CCDC60: variants seen among roughly 807,000 people sequenced by gnomAD.
CCDC60 encodes the protein coiled-coil domain-containing protein 60.
In CCDC60, 54 loss-of-function variants were observed where a neutral mutation model predicts 63.5. The ratio of observed to expected loss-of-function variants is 0.85; its 90% CI spans 0.68 to 1.07. CCDC60 has a LOEUF of 1.07. Ranked by LOEUF, CCDC60 falls within the 50% of genes least tolerant of loss-of-function variation. CCDC60 has a pLI of 0.00. For missense variants in CCDC60, 651 were observed against 684.3 expected (o/e 0.95, Z 0.54); for synonymous variants, 206 against 238.8 (o/e 0.86, Z 1.27).
intron 2 of CCDC60, among the ~76,000 whole-genome samples, chr12:119,445,458 G>GAAAAAAAAAAAAAA (rs1950526990): frequency 2.0e-5 from 2 of 100,130 alleles, no homozygotes; most frequent in East Asian, 2.6e-4. Flanking sequence ...AAAAAAAAAG[G>GAAAAAAAAAAAAAA]AATGCTCTGA....
intron 1 of CCDC60, 122 bp from the exon 2 acceptor site, chr12:119,428,561 G>A: frequency 1.5e-6 from 1 of 652,036 alleles, no homozygotes; most frequent in South Asian, 1.9e-5. Flanking sequence ...ACTCTGTGCT[G>A]CCCAGGACTC....
At chr12:119,392,611 C>G (rs527378081) in intron 1 of CCDC60, among the ~76,000 whole-genome samples, 2 of 152,280 alleles carry the variant, frequency 1.3e-5, no homozygotes, top group East Asian at 1.9e-4. Context: ...ATCCCCAATA[C>G]CAAACACCAC....
intron 1 of CCDC60, among the ~76,000 whole-genome samples, chr12:119,421,155 T>C (rs12303075): frequency 0.064 from 9,702 of 152,320 alleles, 1,071 homozygotes; most frequent in African/African-American, 0.22. Flanking sequence ...AAGTAGATCA[T>C]GTTTTAAGGA....
At chr12:119,478,603 C>CTT (rs35215523) in intron 3 of CCDC60, among the ~76,000 whole-genome samples, 293 of 87,076 alleles carry the variant, frequency 3.4e-3, no homozygotes, top group Non-Finnish European at 4.6e-3. Flanking sequence ...AAGGCAGGGA[C>CTT]TTTTTTTTTT....
At chr12:119,522,718 T>C (rs548965441) in intron 9 of CCDC60, among the ~76,000 whole-genome samples, 3 of 152,066 alleles carry the variant, frequency 2.0e-5, no homozygotes, top group African/African-American at 7.2e-5. Flanking sequence ...AGGATTTAAA[T>C]AGGTAGAAAA....
At chr12:119,496,489 C>T (rs1014508806) in intron 5 of CCDC60, among the ~76,000 whole-genome samples, 8 of 152,202 alleles carry the variant, frequency 5.3e-5, no homozygotes, top group African/African-American at 1.9e-4. Flanking sequence ...ACATCTCCCC[C>T]AAGGATCTGC....
At chr12:119,515,522 T>C (rs1211038791) in intron 7 of CCDC60, among the ~76,000 whole-genome samples, 1 of 152,074 alleles carries the variant, frequency 6.6e-6, no homozygotes, top group African/African-American at 2.4e-5. Context: ...GAAATGGTGG[T>C]TTCTCCATGT....
intron 2 of CCDC60, among the ~76,000 whole-genome samples, chr12:119,465,531 G>A (rs977073750): frequency 2.6e-5 from 4 of 152,074 alleles, no homozygotes; most frequent in Admixed American, 6.5e-5. Context: ...GCCGAGGCAG[G>A]TGGATCACCT....
chr12:119,341,256 G>A (rs1955529323), intron 1 of CCDC60, among the ~76,000 whole-genome samples: 1 of 151,384 alleles, frequency 6.6e-6, no homozygotes. Flanking sequence ...ATTACCTCCT[G>A]ACACGAGAAG....
At chr12:119,457,959 G>A (rs1950779253) in intron 2 of CCDC60, among the ~76,000 whole-genome samples, 2 of 152,214 alleles carry the variant, frequency 1.3e-5, no homozygotes, top group Admixed American at 1.3e-4. Flanking sequence ...ATATTTGCTT[G>A]GTGCTTTTGA....
In CCDC60 at chr12:119,480,052, T is replaced by C. The variant is rs575125227; in HGVS notation, c.449+851T>C. Among the ~76,000 whole-genome samples the C allele has an allele frequency of 2.4e-3, 333 of 140,840 alleles. 1 individual carries two copies. The highest frequency in any genetic ancestry group is 8.2e-3 in the African/African-American group (313 of 38,272). 92.4% of individuals were successfully genotyped at this position (140,840 alleles called of 152,430 possible). A position where few individuals can be genotyped will look rare whatever the true frequency, so the allele number is the denominator to read the frequency against. On this transcript the variant is annotated intron_variant, in intron 4 of 13. Transcript: ENST00000327554. ...CACACACACACACACACACTCCACA[T>C]TGAGAACCACTGCTTTAGGGCAATG...
At position 119,471,793 on chromosome 12, in the gene CCDC60, C is replaced by CCT. The variant is rs375727887; in HGVS notation, c.171-186_171-185dup. ...AATTTGTGTCTCCCTCTCCTCCCTC[C>CCT]CTCTCTCTCTCTCTCTTTCCTTCCT... On this transcript the variant is annotated intron_variant, in intron 2 of 13. Transcript: ENST00000327554. Among the ~76,000 whole-genome samples the CCT allele has an allele frequency of 6.9e-3, 1,030 of 149,914 alleles. 7 individuals are homozygous for CCT. The highest frequency in any genetic ancestry group is 0.023 in the African/African-American group (941 of 41,020).
chr12:119,398,043 C>CG lies in CCDC60; in HGVS notation c.91-30632dup, dbSNP rs1168299376. Among the ~76,000 whole-genome samples the CG allele has an allele frequency of 9.5e-3, 254 of 26,712 alleles. 8 individuals carry two copies. Among genetic ancestry groups the CG allele is most frequent in the East Asian group, 0.041 (10 of 242 alleles). The allele number at this position is 26,712 out of a possible 152,430, so 17.5% of individuals were successfully genotyped here. A position where few individuals can be genotyped will look rare whatever the true frequency, so the allele number is the denominator to read the frequency against. On this transcript the variant is annotated intron_variant, in intron 1 of 13. Transcript: ENST00000327554. ...GGCGGCGGGAGGGAGGAAGGGGCAG[C>CG]GGGGGGGGAGGAAGGGGGTGGGGGG...
intron 4 of CCDC60, among the ~76,000 whole-genome samples, chr12:119,486,161 G>A (rs988537116): frequency 2.0e-5 from 3 of 152,200 alleles, no homozygotes; most frequent in East Asian, 3.8e-4. Context: ...CTAAATGCTG[G>A]ACATGGCCTA....
At chr12:119,484,829 C>T (rs545569307) in intron 4 of CCDC60, among the ~76,000 whole-genome samples, 2 of 152,352 alleles carry the variant, frequency 1.3e-5, no homozygotes, top group Admixed American at 6.5e-5. Flanking sequence ...TGAGCTGACT[C>T]TGTGCAGAGC....
intron 1 of CCDC60, among the ~76,000 whole-genome samples, chr12:119,362,535 C>G (rs1280296771): frequency 1.3e-5 from 2 of 152,208 alleles, no homozygotes; most frequent in Non-Finnish European, 2.9e-5. Context: ...TCTTTTACCT[C>G]TGGCTTCTTT....
intron 4 of CCDC60, among the ~76,000 whole-genome samples, chr12:119,485,855 G>C (rs1951427622): frequency 6.6e-6 from 1 of 152,178 alleles, no homozygotes; most frequent in African/African-American, 2.4e-5. Context: ...GAGAGGGTCA[G>C]GTTTGCATCC....
At chr12:119,361,742 G>A (rs929219428) in intron 1 of CCDC60, among the ~76,000 whole-genome samples, 23 of 152,272 alleles carry the variant, frequency 1.5e-4, no homozygotes, top group African/African-American at 5.1e-4. Flanking sequence ...TATTCCATCA[G>A]CATTAATCAT....
At chr12:119,360,233 G>A (rs1456382424) in intron 1 of CCDC60, among the ~76,000 whole-genome samples, 1 of 150,852 alleles carries the variant, frequency 6.6e-6, no homozygotes, top group East Asian at 2.0e-4. Flanking sequence ...TTCCCAGTAG[G>A]GGCGGCCGGG....
Sources: gnomAD v4.1 joint callset for allele counts (sites outside exome capture counted in the v4.1 genomes callset) on GRCh38, gnomAD v4.1.1 for gene constraint, MANE v1.5 for transcripts, NCBI Gene and HGNC (gene_info 2026-07-23, HGNC 2026-07-21) for gene names.